RALGAPB: variants seen among roughly 807,000 people sequenced by gnomAD.
The protein encoded by RALGAPB is ral GTPase-activating protein subunit beta.
Under a neutral mutation model 161.1 loss-of-function variants are expected in RALGAPB, and 25 were observed. The ratio of observed to expected loss-of-function variants is 0.16; its 90% CI spans 0.11 to 0.22. The LOEUF (loss-of-function observed/expected upper bound fraction) is 0.22, where lower values mean the gene tolerates loss of function less well. Ranked by LOEUF, RALGAPB falls within the 10% of genes least tolerant of loss-of-function variation. The pLI is 1.00. For missense variants in RALGAPB, 1,391 were observed against 1,815.2 expected (o/e 0.77, Z 4.25); for synonymous variants, 629 against 626.1 (o/e 1.00, Z -0.07).
At chr20:38,533,193 G>C (rs1449881816) in intron 15 of RALGAPB, among the ~76,000 whole-genome samples, 2 of 152,156 alleles carry the variant, frequency 1.3e-5, no homozygotes, top group African/African-American at 4.8e-5. Context: ...TGTAGTGGCA[G>C]AGATGTCCAA....
intron 24 of RALGAPB, among the ~76,000 whole-genome samples, chr20:38,564,211 C>A (rs2087900220): frequency 6.6e-6 from 1 of 152,282 alleles, no homozygotes; most frequent in African/African-American, 2.4e-5. Context: ...CACCAGGAGT[C>A]AGAAAACTAA....
intron 13 of RALGAPB, among the ~76,000 whole-genome samples, chr20:38,526,807 A>G (rs1439030151): frequency 6.6e-6 from 1 of 152,202 alleles, no homozygotes; most frequent in Non-Finnish European, 1.5e-5. Flanking sequence ...ATCTTCAGAG[A>G]GACCCTGATG....
At position 38,570,826 on chromosome 20, in the gene RALGAPB, C is replaced by G. The variant is rs1168733855; in HGVS notation, c.4121C>G (p.Ala1374Gly). The G allele has an allele frequency of 3.1e-6, 5 of 1,606,838 alleles. No homozygotes were observed. The highest frequency in any genetic ancestry group is 2.7e-5 in the African/African-American group (2 of 74,670). Residue 1374 changes from alanine to glycine, a missense_variant, in exon 28 of 30, where the codon GCA becomes GGA. Transcript: ENST00000262879. ...ATCAGTACTGGTGTGGAAACTACTG[C>G]AAATAGTAGCACTTCACTGAGGTAC... ...TEISTGVETT[A>G]NSSTSLRSTT...
Position 38,524,782 on chromosome 20 carries a change from T to C in RALGAPB, c.1624T>C (p.Tyr542His). Residue 542 changes from tyrosine (Y) to histidine (H), a missense_variant, in exon 11 of 30, where the codon TAC becomes CAC. Around this residue, in one of 3 missense-constraint regions of RALGAPB, gnomAD observed 946 missense variants for 1,257.2 expected, o/e 0.75. Transcript: ENST00000262879. ...ATTTTTTTCTTGCTTTCCTAGATTT[T>C]ACATGCTTTTAATTCAAGGTTTGCA... ...EILPAYLSRF[Y>H]MLLIQGLQIN... 1 of 1,601,326 alleles carries C rather than the reference T, an allele frequency of 6.2e-7. No individual in the cohort carries two copies. The highest frequency in any genetic ancestry group is 8.5e-7 in the Non-Finnish European group (1 of 1,171,638).
chr20:38,498,564 C>T (rs1431138664), intron 4 of RALGAPB, among the ~76,000 whole-genome samples: 4 of 152,242 alleles, frequency 2.6e-5, no homozygotes, highest in African/African-American at 9.6e-5. Context: ...CACCTCTCTG[C>T]TACTTACTCC....
chr20:38,524,744 C>A, intron 10 of RALGAPB, 34 bp from the exon 11 acceptor site: 1 of 1,493,566 alleles, frequency 6.7e-7, no homozygotes, highest in Non-Finnish European at 9.3e-7. Context: ...TTTTGATCAG[C>A]AGTTTGTTTA....
At chr20:38,494,473 A>G (rs539360883) in intron 3 of RALGAPB, among the ~76,000 whole-genome samples, 1 of 152,334 alleles carries the variant, frequency 6.6e-6, no homozygotes, top group Admixed American at 6.5e-5. Context: ...TCTACTAAAA[A>G]TACAAAACTT....
At chr20:38,563,969 C>T (rs2087888608) in intron 24 of RALGAPB, among the ~76,000 whole-genome samples, 1 of 152,162 alleles carries the variant, frequency 6.6e-6, no homozygotes, top group South Asian at 2.1e-4. Context: ...CTCAGAACTC[C>T]CTACTCCCCG....
At chr20:38,478,385 A>G (rs558269605) in intron 1 of RALGAPB, among the ~76,000 whole-genome samples, 3 of 152,280 alleles carry the variant, frequency 2.0e-5, no homozygotes, top group African/African-American at 7.2e-5. Flanking sequence ...ATGATAAATT[A>G]TGCAAAGGTA....
At chr20:38,540,021 T>A in intron 17 of RALGAPB, 63 bp downstream of exon 17, 1 of 1,440,222 alleles carries the variant, frequency 6.9e-7, no homozygotes, top group Non-Finnish European at 9.5e-7. Flanking sequence ...AAAATGCCTT[T>A]TGAAAGAGAA....
chr20:38,541,790 G>T (rs1308220980), intron 18 of RALGAPB, among the ~76,000 whole-genome samples: 3 of 152,160 alleles, frequency 2.0e-5, no homozygotes. Flanking sequence ...GGAGTTGAAA[G>T]GAGAAAATGA....
intron 1 of RALGAPB, among the ~76,000 whole-genome samples, chr20:38,475,436 A>C (rs1323935535): frequency 1.3e-5 from 2 of 152,186 alleles, no homozygotes; most frequent in Non-Finnish European, 2.9e-5. Flanking sequence ...CCAATAATTC[A>C]GATTGGATTT....
intron 1 of RALGAPB, among the ~76,000 whole-genome samples, chr20:38,476,634 T>C (rs1216359329): frequency 6.6e-6 from 1 of 152,228 alleles, no homozygotes; most frequent in Admixed American, 6.5e-5. Context: ...CCTCGACTTA[T>C]GATGGGATTA....
rs41276946 is a variant in RALGAPB at position 38,517,867 on chromosome 20, A to G, written c.1284A>G (p.Glu428=). The G allele has an allele frequency of 8.1e-4, 1,311 of 1,613,914 alleles. 14 individuals carry two copies. In the African/African-American group the frequency reaches 0.015, roughly 19 times the overall value. The change falls in exon 9 of 30, where the codon GAA becomes GAG. Residue 428 remains glutamate, a synonymous_variant. Transcript: ENST00000262879. The part of the protein sequence containing the change: ...PLSSPNQTSS[E]PRPLPAPRRP... ...CAAGTCCAAATCAGACTAGTTCAGA[A>G]CCCCGGCCACTGCCTGCCCCTCGGA... is the stretch of plus-strand genomic sequence containing the variant.
At chr20:38,481,259 A>C (rs1196890528) in intron 1 of RALGAPB, among the ~76,000 whole-genome samples, 1 of 152,140 alleles carries the variant, frequency 6.6e-6, no homozygotes, top group Non-Finnish European at 1.5e-5. Context: ...CACATTCAAC[A>C]TTTTAATGTT....
At chr20:38,491,483 C>G (rs2085279249) in intron 2 of RALGAPB, among the ~76,000 whole-genome samples, 1 of 152,166 alleles carries the variant, frequency 6.6e-6, no homozygotes, top group African/African-American at 2.4e-5. Flanking sequence ...CTACCATCCT[C>G]TGGGCCATAT....
intron 18 of RALGAPB, among the ~76,000 whole-genome samples, chr20:38,544,537 G>A (rs2087091115): frequency 6.6e-6 from 1 of 152,116 alleles, no homozygotes; most frequent in Non-Finnish European, 1.5e-5. Context: ...GCATGATCTT[G>A]ACTCACTGCA....
intron 24 of RALGAPB, among the ~76,000 whole-genome samples, chr20:38,565,086 T>G (rs1394979172): frequency 6.6e-6 from 1 of 152,120 alleles, no homozygotes; most frequent in African/African-American, 2.4e-5. Context: ...ACTGCTCCCT[T>G]AATCTGCTTC....
chr20:38,479,135 T>G (rs2084891005), intron 1 of RALGAPB, among the ~76,000 whole-genome samples: 1 of 152,192 alleles, frequency 6.6e-6, no homozygotes, highest in Non-Finnish European at 1.5e-5. Context: ...GGTGTCATCT[T>G]TGATTTCTCT....
Sources: gnomAD v4.1 joint callset for allele counts (sites outside exome capture counted in the v4.1 genomes callset) on GRCh38, gnomAD v4.1.1 for gene constraint, gnomAD v4.1.1 regional missense constraint, MANE v1.5 for transcripts, NCBI Gene and HGNC (gene_info 2026-07-23, HGNC 2026-07-21) for gene names.